Variants in ANO6 observed in about 807,000 individuals in gnomAD.
ANO6 encodes the protein anoctamin 6, also known as anoctamin-6.
In ANO6, 106 loss-of-function variants were observed where a neutral mutation model predicts 117.5. That is an observed-to-expected ratio of 0.90 (90% CI 0.77 to 1.06). The LOEUF is 1.06. Among genes scored for constraint, ANO6 ranks in the 50% least tolerant of loss-of-function variants. The probability of loss-of-function intolerance (pLI) is 0.00; values close to 1 mark genes in which losing one functional copy is unlikely to be tolerated. For synonymous variants in ANO6, 367 were observed against 385.1 expected, an observed-to-expected ratio of 0.95 and a Z score of 0.55; for missense variants, 955 against 1,121.1, an observed-to-expected ratio of 0.85 and a Z score of 2.12.
chr12:45,363,778 G>C (rs1048454863), intron 8 of ANO6, among the ~76,000 whole-genome samples: 2 of 152,070 alleles, frequency 1.3e-5, no homozygotes, highest in Non-Finnish European at 2.9e-5. Context: ...AAGATCTGAT[G>C]GTTTTATAAG....
intron 8 of ANO6, among the ~76,000 whole-genome samples, chr12:45,359,161 C>T (rs1941490456): frequency 6.6e-6 from 1 of 152,160 alleles, no homozygotes; most frequent in African/African-American, 2.4e-5. Context: ...TTAAAGTGCA[C>T]AATTTAGGTG....
In ANO6 at chr12:45,376,382, G is replaced by T. The variant is rs1261561636; in HGVS notation, c.1105-1671G>T. Among the ~76,000 whole-genome samples, 387 of 134,980 alleles carry T rather than the reference G, an allele frequency of 2.9e-3. 1 individual carries two copies. Among genetic ancestry groups the T allele is most frequent in the African/African-American group, 0.011 (360 of 33,326 alleles). The allele number at this position is 134,980 out of a possible 152,430, so 88.6% of individuals were successfully genotyped here. ...TACCCAAAGGATTATAAATCATGCTGCTATAAAGACACATGCACACGTATG... is the reference window on the plus strand; with the variant it reads ...TACCCAAAGGATTATAAATCATGCTTCTATAAAGACACATGCACACGTATG... On this transcript the variant is annotated intron_variant, in intron 9 of 19. Coordinates refer to ENST00000320560, the MANE Select transcript of ANO6 (RefSeq NM_001025356.3).
chr12:45,282,953 C>A (rs558292262), intron 1 of ANO6, among the ~76,000 whole-genome samples: 2 of 152,218 alleles, frequency 1.3e-5, no homozygotes, highest in South Asian at 2.1e-4. Context: ...CAAAAATTGG[C>A]TTTATTGCTA....
chr12:45,257,011 T>A (rs1937857489), intron 1 of ANO6, among the ~76,000 whole-genome samples: 1 of 152,166 alleles, frequency 6.6e-6, no homozygotes, highest in South Asian at 2.1e-4. Context: ...TGTGATTTTG[T>A]TTAATGTTTA....
At chr12:45,352,249 G>A (rs376452439) in intron 7 of ANO6, among the ~76,000 whole-genome samples, 2 of 152,144 alleles carry the variant, frequency 1.3e-5, no homozygotes, top group African/African-American at 4.8e-5. Context: ...TAGCAAGCCT[G>A]CATTCATCTG....
chr12:45,230,521 A>G (rs1016427762), intron 1 of ANO6, among the ~76,000 whole-genome samples: 1 of 151,142 alleles, frequency 6.6e-6, no homozygotes, highest in Non-Finnish European at 1.5e-5. Context: ...TTGCATGGTC[A>G]TTGTAAAACA....
intron 10 of ANO6, among the ~76,000 whole-genome samples, chr12:45,387,169 G>C (rs1223817230): frequency 6.6e-6 from 1 of 152,046 alleles, no homozygotes; most frequent in Non-Finnish European, 1.5e-5. Context: ...AAGGACTTAG[G>C]GTTCGCAGTC....
intron 3 of ANO6, 103 bp downstream of exon 3, chr12:45,331,526 C>T (rs2137401437): frequency 9.2e-7 from 1 of 1,088,818 alleles, no homozygotes; most frequent in Non-Finnish European, 1.3e-6. Flanking sequence ...GTTGAAATAT[C>T]ATACACAAAA....
chr12:45,310,975 A>C (rs1257278456), intron 2 of ANO6, among the ~76,000 whole-genome samples: 1 of 152,084 alleles, frequency 6.6e-6, no homozygotes, highest in Non-Finnish European at 1.5e-5. Context: ...CAACATGATG[A>C]GTTCAATAAA....
intron 15 of ANO6, 117 bp downstream of exon 15, chr12:45,403,653 G>A: frequency 1.2e-6 from 1 of 833,546 alleles, no homozygotes; most frequent in East Asian, 2.6e-5. Flanking sequence ...ACCTCTAAAT[G>A]GATCAGAATC....
At chr12:45,273,468 G>A (rs1020293563) in intron 1 of ANO6, among the ~76,000 whole-genome samples, 9 of 152,154 alleles carry the variant, frequency 5.9e-5, no homozygotes, top group African/African-American at 1.4e-4. Flanking sequence ...TGCTCTTTTC[G>A]TTTGATTCCT....
At chr12:45,371,306 G>A (rs1317804091) in intron 9 of ANO6, among the ~76,000 whole-genome samples, 1 of 152,164 alleles carries the variant, frequency 6.6e-6, no homozygotes, top group African/African-American at 2.4e-5. Context: ...CATTGCCCAG[G>A]CTTGCTTAGG....
intron 18 of ANO6, among the ~76,000 whole-genome samples, chr12:45,421,998 A>G (rs980395161): frequency 2.0e-5 from 3 of 152,208 alleles, no homozygotes; most frequent in Non-Finnish European, 4.4e-5. Flanking sequence ...CAGATTCTCA[A>G]TGATGCAACC....
intron 1 of ANO6, among the ~76,000 whole-genome samples, chr12:45,297,758 T>A (rs1286067533): frequency 6.6e-6 from 1 of 152,224 alleles, no homozygotes; most frequent in Non-Finnish European, 1.5e-5. Flanking sequence ...TGTTATATAA[T>A]TAATTCTATT....
At chr12:45,286,232 T>C (rs1298458249) in intron 1 of ANO6, among the ~76,000 whole-genome samples, 3 of 152,166 alleles carry the variant, frequency 2.0e-5, no homozygotes, top group African/African-American at 7.2e-5. Flanking sequence ...ACTCCTGGGC[T>C]CAAGCAATCC....
intron 15 of ANO6, among the ~76,000 whole-genome samples, chr12:45,406,993 A>G (rs982473797): frequency 1.3e-5 from 2 of 152,216 alleles, no homozygotes; most frequent in African/African-American, 4.8e-5. Flanking sequence ...ATTATTTTGT[A>G]ACCCCTGCTT....
At chr12:45,321,595 T>G (rs1940273283) in intron 2 of ANO6, among the ~76,000 whole-genome samples, 1 of 152,218 alleles carries the variant, frequency 6.6e-6, no homozygotes, top group Admixed American at 6.5e-5. Context: ...ACTTGTATTT[T>G]GTCACTAACA....
rs1028398225 is a variant in ANO6, at chr12:45,386,252, A to C, written c.1166-1909A>C. Among the ~76,000 whole-genome samples the C allele has an allele frequency of 6.1e-4, 93 of 152,210 alleles. No individual in the cohort carries two copies. The Middle Eastern group carries it at 0.01, about 17-fold the overall frequency. On this transcript the variant is annotated intron_variant, in intron 10 of 19. Transcript: ENST00000320560. The stretch of plus-strand genomic sequence containing the variant: ...AATGGTCTTATTCTCTCATGGCCCC[A>C]ATTGCCACTTAAAACAATGAAAATC...
chr12:45,325,890 C>T (rs575209170), intron 2 of ANO6, among the ~76,000 whole-genome samples: 1 of 152,246 alleles, frequency 6.6e-6, no homozygotes, highest in African/African-American at 2.4e-5. Flanking sequence ...GCTCCTAACT[C>T]AGCATCTTCC....
Sources: allele counts gnomAD v4.1 joint callset (sites outside exome capture counted in the v4.1 genomes callset), GRCh38; gene constraint gnomAD v4.1.1; transcripts MANE v1.5; gene names NCBI Gene and HGNC (gene_info 2026-07-23, HGNC 2026-07-21).